THRA: variants seen among roughly 807,000 people sequenced by gnomAD.
THRA encodes EAR-7.
A neutral mutation model predicts 45.0 loss-of-function variants in THRA; 13 were observed. The observed-to-expected ratio is 0.29, with a 90% CI of 0.19 to 0.46. THRA has a LOEUF of 0.46. Among genes scored for constraint, THRA ranks in the 20% least tolerant of loss-of-function variants. The probability of loss-of-function intolerance (pLI) is 1.00; values close to 1 mark genes in which losing one functional copy is unlikely to be tolerated. For synonymous variants in THRA, 195 were observed against 214.0 expected (o/e 0.91, Z 0.78); for missense variants, 278 against 556.1 (o/e 0.50, Z 5.03).
rs550642817 is a variant in THRA, at chr17:40,069,279, C to CTCTCTG, written c.-297-4895_-297-4890dup. Among the ~76,000 whole-genome samples the CTCTCTG allele has an allele frequency of 8.0e-3, 1,195 of 150,066 alleles. 14 individuals carry two copies. Among genetic ancestry groups the CTCTCTG allele is most frequent in the African/African-American group, 0.028 (1,136 of 40,596 alleles). On this transcript the variant is annotated intron_variant, in intron 1 of 8. Transcript: ENST00000450525. Reference sequence around the variant, plus strand: ...CTCCCTCCTCCCTTTCTGTCCCTGTCTCTCTGTCTCTGTCTCTGTCTCTCT... The same window carrying CTCTCTG: ...CTCCCTCCTCCCTTTCTGTCCCTGTCTCTCTGTCTCTGTCTCTGTCTCTGTCTCTCT...
chr17:40,093,519 C>T (rs1987671540), downstream of THRA: 3 of 1,341,402 alleles, frequency 2.2e-6, no homozygotes, highest in South Asian at 1.5e-5. The surrounding 1 kb of genome is among the most constrained non-coding windows in gnomAD (Gnocchi z 5.9). Context: ...CGTAAGACCA[C>T]CTTCCCTTCC....
At chr17:40,072,268 G>A (rs1422154883) in intron 1 of THRA, 1 of 152,424 alleles carries the variant, frequency 6.6e-6, no homozygotes, top group Non-Finnish European at 1.5e-5. Context: ...GCTGCCACTG[G>A]TGTTCCCCGC....
intron 2 of THRA, among the ~76,000 whole-genome samples, chr17:40,076,113 C>T (rs1019994095): frequency 1.3e-5 from 2 of 152,198 alleles, no homozygotes; most frequent in African/African-American, 4.8e-5. Context: ...CTGAGGGTTG[C>T]TAATAATACG....
chr17:40,069,019 TG>T (rs1986672586), intron 1 of THRA: 1 of 152,500 alleles, frequency 6.6e-6, no homozygotes, highest in Non-Finnish European at 1.5e-5. Flanking sequence ...TGAGTGTGTG[TG>T]TCTGCACGTG....
rs768325477 is a variant in THRA, at chr17:40,075,876, G to A, written c.54-995G>A. Among the ~76,000 whole-genome samples the A allele has an allele frequency of 6.6e-5, 10 of 152,344 alleles. No individual in the cohort carries two copies. In the East Asian group the frequency reaches 7.7e-4, roughly 12 times the overall value. Reference sequence around the variant, plus strand: ...TAGACCGGAGTAATCCCCACGGGGCGTGGAGCATAGGGTTGTCTGTGACTG... The same window carrying A: ...TAGACCGGAGTAATCCCCACGGGGCATGGAGCATAGGGTTGTCTGTGACTG... On this transcript the variant is annotated intron_variant, in intron 2 of 8. Coordinates refer to ENST00000450525, the MANE Select transcript of THRA (RefSeq NM_199334.5).
At chr17:40,085,353 T>TG (rs1187369505) in intron 6 of THRA, among the ~76,000 whole-genome samples, 1 of 151,974 alleles carries the variant, frequency 6.6e-6, no homozygotes, top group Non-Finnish European at 1.5e-5. Flanking sequence ...TTTTTTTTTT[T>TG]GATACGGAGT....
chr17:40,083,583 C>T (rs1197317980), intron 4 of THRA, among the ~76,000 whole-genome samples: 1 of 152,242 alleles, frequency 6.6e-6, no homozygotes, highest in Non-Finnish European at 1.5e-5. Context: ...CTGCTCTAGA[C>T]ATCATTCCTG....
intron 7 of THRA, among the ~76,000 whole-genome samples, chr17:40,087,601 C>T (rs1460108380): frequency 6.6e-6 from 1 of 152,186 alleles, no homozygotes; most frequent in South Asian, 2.1e-4. Flanking sequence ...CACCCAACTC[C>T]AGGCAGCCTG....
At chr17:40,063,549 G>A (rs1986442789) in intron 1 of THRA, among the ~76,000 whole-genome samples, 1 of 152,232 alleles carries the variant, frequency 6.6e-6, no homozygotes, top group Admixed American at 6.5e-5. Context: ...AGCTGCGGAG[G>A]GCAGTATGAG....
rs71152640 is a variant in THRA at position 40,091,231 on chromosome 17, TACACACACACAC to T, written c.*1804_*1815del. 10,744 of 142,342 alleles carry T rather than the reference TACACACACACAC, an allele frequency of 0.075. 633 individuals are homozygous for T. The highest frequency in any genetic ancestry group is 0.16 in the African/African-American group (6,261 of 38,104). The allele number at this position is 142,342 out of a possible 1,614,324, so 8.8% of individuals were successfully genotyped here. A position where few individuals can be genotyped will look rare whatever the true frequency, so the allele number is the denominator to read the frequency against. ...TGACCCTCAGCCTGCCACAGCCCCC[TACACACACACAC>T]ACACACACACACACACACACACACA... On this transcript the variant is annotated 3_prime_UTR_variant, in exon 9 of 9. Coordinates refer to ENST00000450525, the MANE Select transcript of THRA (RefSeq NM_199334.5).
At chr17:40,067,009 G>A (rs1312771033) in intron 1 of THRA, among the ~76,000 whole-genome samples, 2 of 152,170 alleles carry the variant, frequency 1.3e-5, no homozygotes, top group African/African-American at 4.8e-5. Flanking sequence ...GGGTCTCCCA[G>A]ATTTCTTAGA....
chr17:40,065,107 A>G (rs1374467465), intron 1 of THRA, among the ~76,000 whole-genome samples: 2 of 151,300 alleles, frequency 1.3e-5, no homozygotes, highest in African/African-American at 4.9e-5. Flanking sequence ...CAGTGGGTTC[A>G]GGGGGGTTCC....
At chr17:40,065,697 G>C (rs970871433) in intron 1 of THRA, among the ~76,000 whole-genome samples, 3 of 151,920 alleles carry the variant, frequency 2.0e-5, no homozygotes, top group African/African-American at 7.3e-5. Context: ...GGGCTCAGCT[G>C]GCTGCTCAGG....
chr17:40,093,733 C>G (rs901497637), downstream of THRA: 27 of 644,938 alleles, frequency 4.2e-5, no homozygotes, highest in Non-Finnish European at 7.2e-5. This position sits in a 1 kb window ranked among gnomAD's most constrained non-coding sequence, Gnocchi z 5.9. Context: ...TGACACTTAT[C>G]TCACTGTTTT....
Position 40,084,913 on chromosome 17 carries a change from A to G in THRA, c.576+98A>G, listed in dbSNP as rs1425646815. The stretch of plus-strand genomic sequence containing the variant: ...CTCCTCCAGGAAGTCTTCTTAGTGT[A>G]ATCCAACCCAAAATACATACTCTTC... On this transcript the variant is annotated intron_variant, in intron 6 of 8. Coordinates refer to ENST00000450525, the MANE Select transcript of THRA (RefSeq NM_199334.5). 3 of 1,328,662 alleles carry G rather than the reference A, an allele frequency of 2.3e-6. No individual in the cohort carries two copies. The East Asian group carries it at 7.1e-5, about 31-fold the overall frequency. The allele number at this position is 1,328,662 out of a possible 1,614,324, so 82.3% of individuals were successfully genotyped here.
In THRA at chr17:40,079,150, G is replaced by T. The variant is rs539192632; in HGVS notation, c.222+1542G>T. On this transcript the variant is annotated intron_variant, in intron 4 of 8. Coordinates refer to ENST00000450525, the MANE Select transcript of THRA (RefSeq NM_199334.5). ...CTGAAAGAGCGAGAGCCAGTACTGGGGGGGTAGTGGGAGCTGGGAGCACAG... is the reference window on the plus strand; with the variant it reads ...CTGAAAGAGCGAGAGCCAGTACTGGTGGGGTAGTGGGAGCTGGGAGCACAG... Among the ~76,000 whole-genome samples, 4 of 152,312 alleles carry T rather than the reference G, an allele frequency of 2.6e-5. No individual in the cohort carries two copies. The South Asian group carries it at 6.2e-4, about 24-fold the overall frequency.
chr17:40,086,567 A>G, intron 6 of THRA, 140 bp from the exon 7 acceptor site: 1 of 1,038,516 alleles, frequency 9.6e-7, no homozygotes, highest in Non-Finnish European at 1.4e-6. Flanking sequence ...AAGATGAAGG[A>G]AAAGCTTTGG....
chr17:40,075,426 G>C (rs1007613900), intron 2 of THRA, among the ~76,000 whole-genome samples: 13 of 152,158 alleles, frequency 8.5e-5, no homozygotes, highest in African/African-American at 3.1e-4. Context: ...GTCCCTGGAG[G>C]GTAGAGGAAG....
chr17:40,078,710 A>G (rs1384553964), intron 4 of THRA, among the ~76,000 whole-genome samples: 1 of 148,542 alleles, frequency 6.7e-6, no homozygotes. Context: ...GTTAAAATGC[A>G]GATTCCCAGC....
Sources: allele counts gnomAD v4.1 joint callset (sites outside exome capture counted in the v4.1 genomes callset), GRCh38; gene constraint gnomAD v4.1.1; non-coding constraint Gnocchi (gnomAD v3.1); transcripts MANE v1.5; gene names NCBI Gene and HGNC (gene_info 2026-07-23, HGNC 2026-07-21).